Variants in CCDC33 observed in about 807,000 individuals in gnomAD.
CCDC33 encodes the protein coiled-coil domain containing 33.
CCDC33 carries 94 observed loss-of-function variants against 91.9 expected under a neutral mutation model. That is an observed-to-expected ratio of 1.02 (90% CI 0.87 to 1.21). CCDC33 has a LOEUF of 1.21. Ranked by LOEUF, CCDC33 falls within the 50% of genes most tolerant of loss-of-function variation. CCDC33 has a pLI of 0.00. For missense variants in CCDC33, 940 were observed against 935.5 expected (o/e 1.00, Z -0.06); for synonymous variants, 396 against 374.5 (o/e 1.06, Z -0.66).
chr15:74,210,560 G>C (rs747315475), intron 2 of CCDC33, among the ~76,000 whole-genome samples: 1 of 152,222 alleles, frequency 6.6e-6, no homozygotes, highest in East Asian at 1.9e-4. Context: ...GGTCACACTT[G>C]GGGGAGGGGT....
intron 2 of CCDC33, among the ~76,000 whole-genome samples, chr15:74,226,567 G>A (rs536457601): frequency 9.9e-5 from 15 of 152,212 alleles, no homozygotes; most frequent in African/African-American, 3.4e-4. Context: ...GGTGGCTCTC[G>A]CCTGTAATCC....
At position 74,268,365 on chromosome 15, in the gene CCDC33, T is replaced by A; in HGVS notation, c.453T>A (p.Asp151Glu). ...LVKPTESGKA[D>E]EATAKTQLYA... ...AGCCCACTGAGTCTGGGAAAGCCGA[T>A]GAAGCCACTGCCAAGACCCAGTTGT... Residue 151 changes from aspartate (D) to glutamate (E), a missense_variant, in exon 5 of 19, where the codon GAT becomes GAA. Asp to Glu is a conservative substitution (Grantham distance 45). Transcript: ENST00000398814. 6.2e-7 allele frequency: 1 copy of A among 1,613,868 alleles called. No individual in the cohort carries two copies. The highest frequency in any genetic ancestry group is 8.5e-7 in the Non-Finnish European group (1 of 1,179,796).
rs1413647585 is a variant in CCDC33 at position 74,316,747 on chromosome 15, G to A, written c.1291-13442G>A. On this transcript the variant is annotated intron_variant, in intron 11 of 18. Transcript: ENST00000398814. This position sits in a 1 kb window ranked among gnomAD's most constrained non-coding sequence, Gnocchi z 4.7. ...AGACCCTCCAGAGCCCCTCATGAGAGTTGCACAGAGGAGGGAGTAATATTT... is the reference window on the plus strand; with the variant it reads ...AGACCCTCCAGAGCCCCTCATGAGAATTGCACAGAGGAGGGAGTAATATTT... Among the ~76,000 whole-genome samples, 2 of 152,190 alleles carry A rather than the reference G, an allele frequency of 1.3e-5. No individual in the cohort carries two copies. The highest frequency in any genetic ancestry group is 2.9e-5 in the Non-Finnish European group (2 of 68,026).
chr15:74,228,356 C>T (rs1300720142), intron 2 of CCDC33, among the ~76,000 whole-genome samples: 1 of 152,248 alleles, frequency 6.6e-6, no homozygotes, highest in African/African-American at 2.4e-5. Flanking sequence ...TAACAACACT[C>T]GCCAGCAGGA....
In CCDC33 at chr15:74,266,734, A is replaced by T. The variant is rs752181058; in HGVS notation, c.376A>T (p.Ile126Phe). ...RKKQELLSYK[I>F]PIKYLRVFHP... Reference sequence around the variant, plus strand: ...GAAACAGGAGTTGTTGTCCTACAAAATCCCCATCAAGTACCTGCGTGTCTT... The same window carrying T: ...GAAACAGGAGTTGTTGTCCTACAAATTCCCCATCAAGTACCTGCGTGTCTT... The change falls in exon 4 of 19, where the codon ATC becomes TTC. Residue 126 changes from isoleucine to phenylalanine, a missense_variant. Physicochemically the swap from Ile to Phe is conservative, Grantham distance 21 (BLOSUM62 0). Coordinates refer to ENST00000398814, the MANE Select transcript of CCDC33 (RefSeq NM_025055.5). The T allele has an allele frequency of 7.4e-6, 12 of 1,614,204 alleles. No individual in the cohort carries two copies. The highest frequency in any genetic ancestry group is 3.3e-5 in the Admixed American group (2 of 60,022).
intron 2 of CCDC33, among the ~76,000 whole-genome samples, chr15:74,249,529 G>C (rs1249194275): frequency 6.6e-6 from 1 of 151,966 alleles, no homozygotes; most frequent in Non-Finnish European, 1.5e-5. Flanking sequence ...AATAGCCCCT[G>C]AGCTAACTAG....
chr15:74,241,839 A>G (rs985309958), intron 1 of CCDC33, among the ~76,000 whole-genome samples: 2 of 152,188 alleles, frequency 1.3e-5, no homozygotes, highest in East Asian at 3.8e-4. Context: ...ATGTAGAGGA[A>G]GAGAGGGAAG....
At position 74,218,024 on chromosome 15, in the gene CCDC33, A is replaced by G. The variant is rs2074493703; in HGVS notation, c.310+443A>G. Among the ~76,000 whole-genome samples the G allele has an allele frequency of 6.6e-6, 1 of 151,636 alleles. No homozygotes were observed. The highest frequency in any genetic ancestry group is 1.5e-5 in the Non-Finnish European group (1 of 67,940). ...GGGCCCTGCCTTCTGGAACTTCCAGAGCAGGTGGAGAGGAAGGAACTCCAA... is the reference window on the plus strand; with the variant it reads ...GGGCCCTGCCTTCTGGAACTTCCAGGGCAGGTGGAGAGGAAGGAACTCCAA... On this transcript the variant is annotated intron_variant, in intron 1 of 2. Transcript: ENST00000635913. The surrounding 1 kb of genome is among the most constrained non-coding windows in gnomAD (Gnocchi z 4.8).
At chr15:74,241,938 G>A (rs1055645041) in intron 1 of CCDC33, among the ~76,000 whole-genome samples, 1 of 152,240 alleles carries the variant, frequency 6.6e-6, no homozygotes, top group African/African-American at 2.4e-5. Context: ...CAGACAGCAG[G>A]AGGAGGGGTT....
chr15:74,247,381 C>T (rs200092730), intron 2 of CCDC33, among the ~76,000 whole-genome samples: 54,592 of 146,598 alleles, frequency 0.37, 10,850 homozygotes, highest in Middle Eastern at 0.54. Context: ...TACACACACA[C>T]ACACACACAC....
exon 1 of CCDC33, chr15:74,217,385 T>C (rs753568465): frequency 1.1e-4 from 145 of 1,289,750 alleles, no homozygotes; most frequent in Non-Finnish European, 1.3e-4. Flanking sequence ...TGGGGTTTAA[T>C]GAGGCGGGTA....
chr15:74,223,617 C>T (rs1192971126), intron 2 of CCDC33, among the ~76,000 whole-genome samples: 2 of 152,012 alleles, frequency 1.3e-5, no homozygotes, highest in South Asian at 4.2e-4. Flanking sequence ...TCTACAGGCA[C>T]GTGCCAGAGA....
intron 11 of CCDC33, among the ~76,000 whole-genome samples, chr15:74,305,936 C>T (rs951813817): frequency 1.2e-4 from 18 of 152,164 alleles, no homozygotes; most frequent in Admixed American, 7.2e-4. Flanking sequence ...ATACTCTCCC[C>T]GCCTCTTGAG....
intron 2 of CCDC33, among the ~76,000 whole-genome samples, chr15:74,229,428 G>A (rs1410372473): frequency 6.6e-6 from 1 of 152,188 alleles, no homozygotes; most frequent in Non-Finnish European, 1.5e-5. Flanking sequence ...GGGAAGCGGA[G>A]GTTGCAGTGA....
At chr15:74,286,581 G>C (rs1014151577) in intron 10 of CCDC33, among the ~76,000 whole-genome samples, 2 of 152,132 alleles carry the variant, frequency 1.3e-5, no homozygotes, top group Non-Finnish European at 2.9e-5. Flanking sequence ...ATCAGTTCCT[G>C]CCTCTCTGCC....
chr15:74,294,638 T>C (rs945161232), intron 10 of CCDC33, among the ~76,000 whole-genome samples: 3 of 150,864 alleles, frequency 2.0e-5, no homozygotes, highest in Non-Finnish European at 2.9e-5. Flanking sequence ...TCCCAGCTAC[T>C]CAGGAGGCTA....
intron 1 of CCDC33, among the ~76,000 whole-genome samples, chr15:74,205,587 G>A (rs746171847): frequency 6.6e-6 from 1 of 152,124 alleles, no homozygotes; most frequent in Non-Finnish European, 1.5e-5. Flanking sequence ...CCAACACTGG[G>A]GTCACATTTC....
chr15:74,296,998 C>A (rs547168805), intron 11 of CCDC33, among the ~76,000 whole-genome samples: 1 of 152,330 alleles, frequency 6.6e-6, no homozygotes, highest in Admixed American at 6.5e-5. Context: ...CCAAGCCATC[C>A]TCCTCCCAGG....
At chr15:74,310,709 G>A (rs749835567) in intron 11 of CCDC33, among the ~76,000 whole-genome samples, 1 of 152,168 alleles carries the variant, frequency 6.6e-6, no homozygotes, top group Non-Finnish European at 1.5e-5. Context: ...TCTGGGCCCT[G>A]GATTTCCATT....
Sources: allele counts gnomAD v4.1 joint callset (sites outside exome capture counted in the v4.1 genomes callset), GRCh38; gene constraint gnomAD v4.1.1; non-coding constraint Gnocchi (gnomAD v3.1); transcripts MANE v1.5; gene names NCBI Gene and HGNC (gene_info 2026-07-23, HGNC 2026-07-21).